Variants in RAPGEF6 observed in about 807,000 individuals in gnomAD.
The protein encoded by RAPGEF6 is PDZ domain containing guanine nucleotide exchange factor (GEF) 2.
In RAPGEF6, 56 loss-of-function variants were observed where a neutral mutation model predicts 171.4. The observed-to-expected ratio is 0.33, with a 90% CI of 0.26 to 0.41. The LOEUF is 0.41. Among genes scored for constraint, RAPGEF6 ranks in the 10% least tolerant of loss-of-function variants. The pLI, the probability that RAPGEF6 is intolerant of heterozygous loss-of-function variation, is 1.00. For missense variants in RAPGEF6, 1,674 were observed against 1,921.4 expected, an observed-to-expected ratio of 0.87 and a Z score of 2.41; for synonymous variants, 692 against 650.1, an observed-to-expected ratio of 1.06 and a Z score of -0.98.
At chr5:131,480,512 T>A (rs1755399323) in intron 15 of RAPGEF6, among the ~76,000 whole-genome samples, 1 of 152,182 alleles carries the variant, frequency 6.6e-6, no homozygotes, top group Non-Finnish European at 1.5e-5. Context: ...AGAGTCTCAC[T>A]CTGTCGCCCA....
At chr5:131,471,897 A>T (rs1346154192) in intron 17 of RAPGEF6, among the ~76,000 whole-genome samples, 1 of 152,166 alleles carries the variant, frequency 6.6e-6, no homozygotes, top group African/African-American at 2.4e-5. Context: ...TTTTCTGTGT[A>T]TTATAGAAAA....
Position 131,492,623 on chromosome 5 carries a change from C to A in RAPGEF6, c.1690G>T (p.Gly564Cys), listed in dbSNP as rs935715231. Residue 564 changes from glycine (G) to cysteine (C), a missense_variant, in exon 14 of 28, where the codon GGT becomes TGT. Around this residue, in one of 3 missense-constraint regions of RAPGEF6, gnomAD observed 1,116 missense variants for 1,321.5 expected, o/e 0.84. Coordinates refer to ENST00000509018, the MANE Select transcript of RAPGEF6 (RefSeq NM_016340.6). ...FGIFVEGVEPGSKAADSGLKR... is the reference protein window; with the variant it reads ...FGIFVEGVEPCSKAADSGLKR... ...AGTCCTGAATCAGCAGCTTTGCTAC[C>A]AGGTTCTACTCCTTCAACAAAAATA... is the stretch of plus-strand genomic sequence containing the variant. The A allele has an allele frequency of 1.2e-6, 2 of 1,614,052 alleles. No homozygotes were observed. Among genetic ancestry groups the A allele is most frequent in the Non-Finnish European group, 8.5e-7 (1 of 1,180,038 alleles).
intron 16 of RAPGEF6, among the ~76,000 whole-genome samples, chr5:131,476,304 T>C (rs1002095795): frequency 6.6e-6 from 1 of 152,160 alleles, no homozygotes; most frequent in Non-Finnish European, 1.5e-5. Flanking sequence ...AAATATTTAT[T>C]GGCTAGTGCG....
intron 13 of RAPGEF6, 28 bp downstream of exon 13, chr5:131,495,525 G>A (rs771365240): frequency 6.3e-7 from 1 of 1,585,250 alleles, no homozygotes; most frequent in South Asian, 1.1e-5. Context: ...ACTACACTCT[G>A]AAGAATAGAA....
At chr5:131,627,505 A>T (rs1766009622) in intron 1 of RAPGEF6, among the ~76,000 whole-genome samples, 2 of 152,198 alleles carry the variant, frequency 1.3e-5, no homozygotes, top group Non-Finnish European at 2.9e-5. Context: ...TTAAGCACTG[A>T]GAGGGAAATA....
intron 1 of RAPGEF6, among the ~76,000 whole-genome samples, chr5:131,616,412 AT>A (rs978393389): frequency 1.3e-5 from 2 of 152,138 alleles, no homozygotes; most frequent in African/African-American, 2.4e-5. Context: ...GCAGGTTGGA[AT>A]TTTTTCCCCT....
At chr5:131,576,058 A>T (rs544435035) in intron 4 of RAPGEF6, among the ~76,000 whole-genome samples, 1 of 152,208 alleles carries the variant, frequency 6.6e-6, no homozygotes, top group East Asian at 1.9e-4. Flanking sequence ...AACTCCTACA[A>T]TTACCATTAT....
At chr5:131,463,672 A>T (rs1754111498) in intron 18 of RAPGEF6, 10 of 857,324 alleles carry the variant, frequency 1.2e-5, no homozygotes, top group East Asian at 1.2e-4. Flanking sequence ...TAAAATTTTT[A>T]AAATTTTCCT....
intron 21 of RAPGEF6, among the ~76,000 whole-genome samples, chr5:131,451,682 ACTCTGG>A (rs1561474977): frequency 6.6e-6 from 1 of 152,214 alleles, no homozygotes; most frequent in East Asian, 1.9e-4. Context: ...GAAAATTCCA[ACTCTGG>A]CTTTTAAAAT....
At chr5:131,547,384 C>T (rs1760618575) in intron 6 of RAPGEF6, among the ~76,000 whole-genome samples, 1 of 152,194 alleles carries the variant, frequency 6.6e-6, no homozygotes, top group Admixed American at 6.5e-5. Context: ...AAACTGGTAA[C>T]TATGAAACCT....
At chr5:131,563,434 A>G (rs546967875) in intron 4 of RAPGEF6, among the ~76,000 whole-genome samples, 81 of 152,340 alleles carry the variant, frequency 5.3e-4, no homozygotes, top group African/African-American at 1.7e-3. Flanking sequence ...TTCTATACAA[A>G]TAACAGTTAA....
chr5:131,567,426 T>C lies in RAPGEF6; in HGVS notation c.282-5379A>G, dbSNP rs536199552. Among the ~76,000 whole-genome samples, 9 of 152,324 alleles carry C rather than the reference T, an allele frequency of 5.9e-5. No individual in the cohort carries two copies. In the East Asian group the frequency reaches 1.7e-3, roughly 29 times the overall value. On this transcript the variant is annotated intron_variant, in intron 4 of 27. Coordinates refer to ENST00000509018, the MANE Select transcript of RAPGEF6 (RefSeq NM_016340.6). ...ATCTAAATTTCCCTGAAAGTACTGC[T>C]TTAGCTGCATCCCATAAATTTTGAT...
chr5:131,483,336 A>G (rs1284279130), intron 15 of RAPGEF6, among the ~76,000 whole-genome samples: 141 of 130,012 alleles, frequency 1.1e-3, no homozygotes, highest in African/African-American at 4.0e-3. Context: ...GCAACAGAGT[A>G]AGACTCTGTC....
At chr5:131,514,332 T>C (rs557576999) in intron 7 of RAPGEF6, among the ~76,000 whole-genome samples, 1 of 152,284 alleles carries the variant, frequency 6.6e-6, no homozygotes, top group Admixed American at 6.5e-5. Flanking sequence ...TAGATATGAT[T>C]ATGACCACAG....
At chr5:131,603,496 T>A (rs1278544329) in intron 2 of RAPGEF6, among the ~76,000 whole-genome samples, 169 bp from the exon 3 acceptor site, 1 of 152,110 alleles carries the variant, frequency 6.6e-6, no homozygotes. Flanking sequence ...GTATTTTATA[T>A]ATATACATAA....
chr5:131,601,966 C>T (rs1764282309), intron 3 of RAPGEF6, among the ~76,000 whole-genome samples: 1 of 148,290 alleles, frequency 6.7e-6, no homozygotes, highest in African/African-American at 2.5e-5. Context: ...ACCCAGGAGG[C>T]GGAGCTTGCA....
At chr5:131,595,571 T>A (rs1271727124) in intron 3 of RAPGEF6, among the ~76,000 whole-genome samples, 1 of 151,138 alleles carries the variant, frequency 6.6e-6, no homozygotes, top group South Asian at 2.1e-4. Context: ...GTACAGCAGA[T>A]ACACAAAGGA....
intron 24 of RAPGEF6, among the ~76,000 whole-genome samples, chr5:131,435,276 A>C (rs1353776369): frequency 6.6e-6 from 1 of 152,240 alleles, no homozygotes; most frequent in East Asian, 1.9e-4. Context: ...GACGTCTATC[A>C]TACATCTCTG....
At chr5:131,499,954 C>T (rs932146855) in intron 11 of RAPGEF6, among the ~76,000 whole-genome samples, 3 of 152,164 alleles carry the variant, frequency 2.0e-5, no homozygotes, top group South Asian at 2.1e-4. Context: ...GCTGGAGTGC[C>T]GCTGCGCGAT....
Sources: gnomAD v4.1 joint callset for allele counts (sites outside exome capture counted in the v4.1 genomes callset) on GRCh38, gnomAD v4.1.1 for gene constraint, gnomAD v4.1.1 regional missense constraint, MANE v1.5 for transcripts, NCBI Gene and HGNC (gene_info 2026-07-23, HGNC 2026-07-21) for gene names.